Variants in NES observed in about 807,000 individuals in gnomAD.
NES encodes nestin.
NES carries 27 observed loss-of-function variants against 35.6 expected under a neutral mutation model. The observed-to-expected ratio is 0.76, with a 90% CI of 0.56 to 1.04. The LOEUF (loss-of-function observed/expected upper bound fraction) is 1.04. Ranked by LOEUF, NES falls within the 50% of genes least tolerant of loss-of-function variation. The pLI, the probability that NES is intolerant of heterozygous loss-of-function variation, is 0.00. For missense variants in NES, 1,867 were observed against 1,983.6 expected (o/e 0.94, Z 1.12); for synonymous variants, 822 against 824.2 (o/e 1.00, Z 0.04).
At position 156,672,360 on chromosome 1, in the gene NES, C is replaced by T. The variant is rs1441275930; in HGVS notation, c.1828G>A (p.Ala610Thr). ...VEVVRPLEKE[A>T]VGQLKPTGKE... ...CCTGTAGGCTTAAGTTGGCCTACAGCCTCTTTTTCTAGAGGTCTCACTACC... is the reference window on the plus strand; with the variant it reads ...CCTGTAGGCTTAAGTTGGCCTACAGTCTCTTTTTCTAGAGGTCTCACTACC... Residue 610 changes from alanine (A) to threonine (T), a missense_variant, in exon 4 of 4, where the codon GCT becomes ACT. By Grantham distance (58) the Ala-to-Thr change is moderately conservative. Transcript: ENST00000368223. The T allele has an allele frequency of 6.2e-7, 1 of 1,613,110 alleles. No homozygotes were observed. Among genetic ancestry groups the T allele is most frequent in the South Asian group, 1.1e-5 (1 of 91,016 alleles).
rs1679651338 is a variant in NES at position 156,669,472 on chromosome 1, C to T, written c.4716G>A (p.Glu1572=). Residue 1572 remains glutamate (E), a synonymous_variant, in exon 4 of 4, where the codon GAG becomes GAA. Transcript: ENST00000368223. ...CCTGAAAGGGGCTCCCTCGGTCTCC[C>T]TCAGAGACTAGCGGCATTCCTTGCC... ...EVGQGMPLVS[E]GDRGSPFQEE... 6.2e-7 allele frequency: 1 copy of T among 1,613,708 alleles called. No individual in the cohort carries two copies. The highest frequency in any genetic ancestry group is 8.5e-7 in the Non-Finnish European group (1 of 1,179,770).
At position 156,676,751 on chromosome 1, in the gene NES, CCGGCGCGGGAGGCCCGCGGGG is replaced by C. The variant is rs780556540; in HGVS notation, c.493_513del (p.Pro165_Pro171del). On this transcript the variant is annotated inframe_deletion, in exon 1 of 4. Coordinates refer to ENST00000368223, the MANE Select transcript of NES (RefSeq NM_006617.2). The surrounding 1 kb of genome is among the most constrained non-coding windows in gnomAD (Gnocchi z 5.3). Reference sequence around the variant, plus strand: ...CTTGCCAGCTCCTCTACCTCCGGGGCCGGCGCGGGAGGCCCGCGGGGCGGCGCGGGGCAGCGGGGGGCACAG... The same window carrying C: ...CTTGCCAGCTCCTCTACCTCCGGGGCCGGCGCGGGGCAGCGGGGGGCACAG... 30 of 1,359,682 alleles carry C rather than the reference CCGGCGCGGGAGGCCCGCGGGG, an allele frequency of 2.2e-5. No individual in the cohort carries two copies. The highest frequency in any genetic ancestry group is 8.1e-5 in the Admixed American group (2 of 24,546). The allele number at this position is 1,359,682 out of a possible 1,614,324, so 84.2% of individuals were successfully genotyped here.
At position 156,676,262 on chromosome 1, in the gene NES, G is replaced by A. The variant is rs1295605451; in HGVS notation, c.783+220C>T. Among the ~76,000 whole-genome samples, 1 of 152,088 alleles carries A rather than the reference G, an allele frequency of 6.6e-6. No homozygotes were observed. Among genetic ancestry groups the A allele is most frequent in the East Asian group, 1.9e-4 (1 of 5,170 alleles). The stretch of plus-strand genomic sequence containing the variant: ...GGCTGCTGCAACGGGTCTTGGGCCT[G>A]ACTGCCCACCCGGGATGTGCTTCGA... On this transcript the variant is annotated intron_variant, in intron 1 of 3. Coordinates refer to ENST00000368223, the MANE Select transcript of NES (RefSeq NM_006617.2). The surrounding 1 kb of genome is among the most constrained non-coding windows in gnomAD (Gnocchi z 5.3).
chr1:156,673,471 G>A lies in NES; in HGVS notation c.965C>T (p.Thr322Ile). 2.5e-6 allele frequency: 4 copies of A among 1,613,194 alleles called. No individual in the cohort carries two copies. Among genetic ancestry groups the A allele is most frequent in the Non-Finnish European group, 3.4e-6 (4 of 1,179,376 alleles). ...RLQTPGGGSKTSLSFQDPKLE... is the reference protein window; with the variant it reads ...RLQTPGGGSKISLSFQDPKLE... ...CCTCTTACCCTGAAAGCTGAGGGAA[G>A]TCTTGGAGCCACCGCCAGGTGTTTG... is the stretch of plus-strand genomic sequence containing the variant. The change falls in exon 3 of 4, where the codon ACT becomes ATT. Residue 322 changes from threonine to isoleucine, a missense_variant. Coordinates refer to ENST00000368223, the MANE Select transcript of NES (RefSeq NM_006617.2).
rs1356462487 is a variant in NES at position 156,672,554 on chromosome 1, G to A, written c.1634C>T (p.Thr545Ile). 6.2e-7 allele frequency: 1 copy of A among 1,613,910 alleles called. No homozygotes were observed. The highest frequency in any genetic ancestry group is 8.5e-7 in the Non-Finnish European group (1 of 1,180,004). The change falls in exon 4 of 4, where the codon ACC becomes ATC. Residue 545 changes from threonine to isoleucine, a missense_variant. Coordinates refer to ENST00000368223, the MANE Select transcript of NES (RefSeq NM_006617.2). ...AATCTCCTCTCCCAGAGACTTCAGG[G>A]TTTCTTTTTCCAAAGGAACCTGGGA... Reference protein sequence around the residue: ...QDSQVPLEKETLKSLGEEIQE... With the variant: ...QDSQVPLEKEILKSLGEEIQE...
Position 156,671,033 on chromosome 1 carries a change from C to A in NES, c.3155G>T (p.Gly1052Val), listed in dbSNP as rs1228855732. Residue 1052 changes from glycine to valine, a missense_variant, in exon 4 of 4, where the codon GGC becomes GTC. Transcript: ENST00000368223. ...EGQSQQVGAP[G>V]LQAPQGLPEA... ...TGGCAGCCCCTGGGGAGCCTGGAGG[C>A]CTGGGGCCCCCACCTGTTGTGATTG... The A allele has an allele frequency of 3.1e-6, 5 of 1,612,974 alleles. No individual in the cohort carries two copies. Among genetic ancestry groups the A allele is most frequent in the Non-Finnish European group, 4.2e-6 (5 of 1,179,736 alleles).
rs150686645 is a variant in NES, at chr1:156,670,677, C to T, written c.3511G>A (p.Gly1171Ser). Residue 1171 changes from glycine (G) to serine (S), a missense_variant, in exon 4 of 4, where the codon GGT (glycine) becomes AGT (serine). Coordinates refer to ENST00000368223, the MANE Select transcript of NES (RefSeq NM_006617.2). The part of the protein sequence containing the change: ...SRDPWEPPRE[G>S]REESEAEAPR... ...GCCTCAGCCTCTGACTCCTCCCTACCCTCCCTGGGAGGCTCCCAAGGGTCT... is the reference window on the plus strand; with the variant it reads ...GCCTCAGCCTCTGACTCCTCCCTACTCTCCCTGGGAGGCTCCCAAGGGTCT... 1.5e-3 allele frequency: 2,360 copies of T among 1,613,820 alleles called. No individual in the cohort carries two copies. Among genetic ancestry groups the T allele is most frequent in the Non-Finnish European group, 1.7e-3 (1,978 of 1,179,880 alleles).
rs751408349 is a variant in NES, at chr1:156,676,967, G to C, written c.298C>G (p.Leu100Val). 2 of 1,563,084 alleles carry C rather than the reference G, an allele frequency of 1.3e-6. No homozygotes were observed. The highest frequency in any genetic ancestry group is 1.8e-5 in the Admixed American group (1 of 54,650). ...TCCTCCGTCGTCCGCTCCCGGGCCA[G>C]CCGCAGCTGCTGGCATCGGCCTGCC... ...GVAGRCQQLR[L>V]ARERTTEEVA... The change falls in exon 1 of 4, where the codon CTG (leucine) becomes GTG (valine). Residue 100 changes from leucine (L) to valine (V), a missense_variant. By Grantham distance (32) the Leu-to-Val change is conservative. Transcript: ENST00000368223. This position sits in a 1 kb window ranked among gnomAD's most constrained non-coding sequence, Gnocchi z 5.3.
rs1194954001 is a variant in NES at position 156,668,831 on chromosome 1, G to A, written c.*491C>T. On this transcript the variant is annotated 3_prime_UTR_variant, in exon 4 of 4. Coordinates refer to ENST00000368223, the MANE Select transcript of NES (RefSeq NM_006617.2). Reference sequence around the variant, plus strand: ...GCAGGGCCACAGCGTGGCAGGGATGGGGGGAGTCAGCACATGGGAGTGCCG... The same window carrying A: ...GCAGGGCCACAGCGTGGCAGGGATGAGGGGAGTCAGCACATGGGAGTGCCG... 1.3e-5 allele frequency: 2 copies of A among 154,658 alleles called. No homozygotes were observed. Among genetic ancestry groups the A allele is most frequent in the Non-Finnish European group, 2.9e-5 (2 of 69,828 alleles). 9.6% of individuals were successfully genotyped at this position (154,658 alleles called of 1,614,324 possible). A position where few individuals can be genotyped will look rare whatever the true frequency, so the allele number is the denominator to read the frequency against.
rs1391896936 is a variant in NES, at chr1:156,670,833, C to T, written c.3355G>A (p.Val1119Met). ...GDPGHLTREE[V>M]MEPPLEEESL... ...TCCTCTTCCAGGGGTGGTTCCATCA[C>T]CTCTTCCCTGGTCAGATGGCCTGGG... is the stretch of plus-strand genomic sequence containing the variant. The change falls in exon 4 of 4, where the codon GTG becomes ATG. Residue 1119 changes from valine (V) to methionine (M), a missense_variant. Coordinates refer to ENST00000368223, the MANE Select transcript of NES (RefSeq NM_006617.2). 1 of 1,612,846 alleles carries T rather than the reference C, an allele frequency of 6.2e-7. No individual in the cohort carries two copies. Among genetic ancestry groups the T allele is most frequent in the Non-Finnish European group, 8.5e-7 (1 of 1,179,308 alleles).
Position 156,672,130 on chromosome 1 carries a change from C to T in NES, c.2058G>A (p.Glu686=), listed in dbSNP as rs1328276387. Residue 686 remains glutamate (E), a synonymous_variant, in exon 4 of 4, where the codon GAG becomes GAA. Coordinates refer to ENST00000368223, the MANE Select transcript of NES (RefSeq NM_006617.2). ...EPLRSPEVGD[E]EALRPLTKEN... ...CCTTTGTCAGAGGTCTCAGTGCCTC[C>T]TCATCCCCTACTTCTGGAGATCTCA... 6.2e-6 allele frequency: 10 copies of T among 1,611,788 alleles called. No homozygotes were observed. The highest frequency in any genetic ancestry group is 8.5e-6 in the Non-Finnish European group (10 of 1,179,528).
rs1323786102 is a variant in NES, at chr1:156,671,422, G to A, written c.2766C>T (p.Asn922=). 9 of 1,613,832 alleles carry A rather than the reference G, an allele frequency of 5.6e-6. No individual in the cohort carries two copies. The highest frequency in any genetic ancestry group is 7.6e-6 in the Non-Finnish European group (9 of 1,180,006). ...ACTCTTGGTACTCTCCCTTTCCCAG[G>A]TTCTCTTCCTCTTCCAGATTCCTTT... ...ESQRNLEEEE[N]LGKGEYQESL... The change falls in exon 4 of 4, where the codon AAC becomes AAT. Residue 922 remains asparagine, a synonymous_variant. Transcript: ENST00000368223.
In NES at chr1:156,677,269, C is replaced by A. The variant is rs775341209; in HGVS notation, c.-5G>T. ...CTCCCCCATGCAGCCCTCCATCCTGCTCGTCTGACCCACTGAGGATGGACA... is the reference window on the plus strand; with the variant it reads ...CTCCCCCATGCAGCCCTCCATCCTGATCGTCTGACCCACTGAGGATGGACA... On this transcript the variant is annotated 5_prime_UTR_variant, in exon 1 of 4. Transcript: ENST00000368223. The surrounding 1 kb of genome is among the most constrained non-coding windows in gnomAD (Gnocchi z 4.5). 6 of 1,608,164 alleles carry A rather than the reference C, an allele frequency of 3.7e-6. No homozygotes were observed. The African/African-American group carries it at 5.4e-5, about 14-fold the overall frequency.
At chr1:156,674,381 C>T (rs1383223194) in intron 2 of NES, among the ~76,000 whole-genome samples, 1 of 152,218 alleles carries the variant, frequency 6.6e-6, no homozygotes, top group Non-Finnish European at 1.5e-5. Context: ...TGCGGCCTTC[C>T]TTCTGGGCTT....
chr1:156,670,659 C>A lies in NES; in HGVS notation c.3529G>T (p.Ala1177Ser), dbSNP rs768679865. Residue 1177 changes from alanine to serine, a missense_variant, in exon 4 of 4, where the codon GCT (alanine) becomes TCT (serine). By Grantham distance (99) the Ala-to-Ser change is moderately conservative. Transcript: ENST00000368223. ...TCCTCTGCTCCCCTGGGGGCCTCAG[C>A]CTCTGACTCCTCCCTACCCTCCCTG... is the stretch of plus-strand genomic sequence containing the variant. ...PPREGREESE[A>S]EAPRGAEEAF... The A allele has an allele frequency of 1.2e-6, 2 of 1,613,822 alleles. No homozygotes were observed. The highest frequency in any genetic ancestry group is 1.1e-5 in the South Asian group (1 of 91,080).
rs1479965931 is a variant in NES, at chr1:156,673,015, G to A, written c.1173C>T (p.Pro391=). Residue 391 remains proline (P), a synonymous_variant, in exon 4 of 4, where the codon CCC becomes CCT. Coordinates refer to ENST00000368223, the MANE Select transcript of NES (RefSeq NM_006617.2). ...RTPTLASTPI[P]PTPQAPSPAV... is the part of the protein sequence containing the mutation. ...CAGGAGAGGGTGCCTGAGGTGTGGG[G>A]GGGATGGGGGTGCTGGCCAAGGTAG... 15 of 1,611,834 alleles carry A rather than the reference G, an allele frequency of 9.3e-6. No homozygotes were observed. The highest frequency in any genetic ancestry group is 1.3e-5 in the African/African-American group (1 of 74,896).
chr1:156,676,286 G>A lies in NES; in HGVS notation c.783+196C>T, dbSNP rs558602710. On this transcript the variant is annotated intron_variant, in intron 1 of 3. Transcript: ENST00000368223. The surrounding 1 kb of genome is among the most constrained non-coding windows in gnomAD (Gnocchi z 5.3). ...TGACTGCCCACCCGGGATGTGCTTC[G>A]AGAAGCCCCACCATTCGCATCCTAC... 2.0e-5 allele frequency among the ~76,000 whole-genome samples: 3 copies of A among 152,146 alleles called. No individual in the cohort carries two copies. The highest frequency in any genetic ancestry group is 6.5e-5 in the Admixed American group (1 of 15,288).
Position 156,672,203 on chromosome 1 carries a change from T to C in NES, c.1985A>G (p.Glu662Gly), listed in dbSNP as rs1261414916. Residue 662 changes from glutamate (E) to glycine (G), a missense_variant, in exon 4 of 4, where the codon GAG (glutamate) becomes GGG (glycine). Physicochemically the swap from Glu to Gly is moderately conservative, Grantham distance 98. Coordinates refer to ENST00000368223, the MANE Select transcript of NES (RefSeq NM_006617.2). ...CAGAGCTGTCAATGACTCTAAGTTC[T>C]CTTGCAGAGAACTTACTAATTCTTG... ...ENQELVSSLQ[E>G]NLESLTALEK... is the part of the protein sequence containing the mutation. 6.2e-7 allele frequency: 1 copy of C among 1,608,014 alleles called. No individual in the cohort carries two copies. The highest frequency in any genetic ancestry group is 8.5e-7 in the Non-Finnish European group (1 of 1,178,476).
rs1647289622 is a variant in NES at position 156,676,295 on chromosome 1, C to G, written c.783+187G>C. Among the ~76,000 whole-genome samples the G allele has an allele frequency of 6.6e-6, 1 of 152,164 alleles. No homozygotes were observed. Among genetic ancestry groups the G allele is most frequent in the Non-Finnish European group, 1.5e-5 (1 of 68,020 alleles). ...ACCCGGGATGTGCTTCGAGAAGCCC[C>G]ACCATTCGCATCCTACACTAGACGG... On this transcript the variant is annotated intron_variant, in intron 1 of 3. Coordinates refer to ENST00000368223, the MANE Select transcript of NES (RefSeq NM_006617.2). The surrounding 1 kb of genome is among the most constrained non-coding windows in gnomAD (Gnocchi z 5.3).
Sources: gnomAD v4.1 joint callset for allele counts (sites outside exome capture counted in the v4.1 genomes callset) on GRCh38, gnomAD v4.1.1 for gene constraint, Gnocchi (gnomAD v3.1) non-coding constraint, MANE v1.5 for transcripts, NCBI Gene and HGNC (gene_info 2026-07-23, HGNC 2026-07-21) for gene names.